The following TRDN variants were observed in gnomAD, a reference collection of about 807,000 sequenced individuals.
TRDN encodes triadin.
A neutral mutation model predicts 149.7 loss-of-function variants in TRDN; 161 were observed. The ratio of observed to expected loss-of-function variants is 1.08; its 90% CI spans 0.95 to 1.23. TRDN has a LOEUF of 1.23. Ranked by LOEUF, TRDN falls within the 50% of genes most tolerant of loss-of-function variation. The pLI, the probability that TRDN is intolerant of heterozygous loss-of-function variation, is 0.00. For missense variants in TRDN, 896 were observed against 823.5 expected (o/e 1.09, Z -1.08); for synonymous variants, 294 against 250.5 (o/e 1.17, Z -1.64).
intron 9 of TRDN, among the ~76,000 whole-genome samples, chr6:123,492,488 C>T (rs1405554302): frequency 6.6e-6 from 1 of 152,002 alleles, no homozygotes; most frequent in Admixed American, 6.6e-5. Flanking sequence ...GGTGACTCTG[C>T]CCAGAAACCC....
At chr6:123,446,309 C>T (rs1207298426) in intron 10 of TRDN, among the ~76,000 whole-genome samples, 17 of 151,826 alleles carry the variant, frequency 1.1e-4, no homozygotes, top group East Asian at 1.9e-4. Context: ...GTGGGTGCAG[C>T]GCACCAGCGT....
intron 14 of TRDN, among the ~76,000 whole-genome samples, chr6:123,383,729 GA>G (rs1781805121): frequency 6.6e-6 from 1 of 152,090 alleles, no homozygotes; most frequent in African/African-American, 2.4e-5. Flanking sequence ...TGTGTATGAA[GA>G]AAGATTAGAA....
intron 1 of TRDN, among the ~76,000 whole-genome samples, chr6:123,591,152 G>C (rs1026504087): frequency 6.6e-6 from 1 of 151,978 alleles, no homozygotes; most frequent in African/African-American, 2.4e-5. Context: ...CTCTCATATA[G>C]TAAAATATTT....
intron 12 of TRDN, among the ~76,000 whole-genome samples, chr6:123,399,437 T>A (rs894455866): frequency 6.6e-6 from 1 of 152,232 alleles, no homozygotes; most frequent in Non-Finnish European, 1.5e-5. Flanking sequence ...AGGAAAGTTA[T>A]GTGCAAGATA....
intron 9 of TRDN, among the ~76,000 whole-genome samples, chr6:123,483,903 G>T (rs1220294117): frequency 6.6e-6 from 1 of 152,250 alleles, no homozygotes; most frequent in African/African-American, 2.4e-5. Context: ...AATTATTAGT[G>T]CTATGCAAGA....
chr6:123,544,032 A>G (rs1222241766), intron 4 of TRDN, among the ~76,000 whole-genome samples: 1 of 152,106 alleles, frequency 6.6e-6, no homozygotes, highest in Non-Finnish European at 1.5e-5. Context: ...CTAAGAATCT[A>G]AAGGTTAATA....
intron 35 of TRDN, 24 bp from the exon 36 acceptor site, chr6:123,255,926 G>T: frequency 8.1e-7 from 1 of 1,231,174 alleles, no homozygotes; most frequent in Non-Finnish European, 1.0e-6. Context: ...ACAGTAACAG[G>T]GTAATTTATT....
rs373318581 is a variant in TRDN at position 123,410,342 on chromosome 6, T to C, written c.1052-16665A>G. 5.3e-5 allele frequency among the ~76,000 whole-genome samples: 8 copies of C among 152,120 alleles called. No individual in the cohort carries two copies. The East Asian group carries it at 1.2e-3, about 22-fold the overall frequency. ...TAAAGTAAAACAGAACACCATGCAT[T>C]TTCTCCCCTTTTGCAAGCACCTAGC... On this transcript the variant is annotated intron_variant, in intron 12 of 40. Coordinates refer to ENST00000334268, the MANE Select transcript of TRDN (RefSeq NM_006073.4).
intron 1 of TRDN, among the ~76,000 whole-genome samples, chr6:123,582,495 G>A (rs532519260): frequency 1.4e-5 from 2 of 147,744 alleles, no homozygotes; most frequent in South Asian, 4.5e-4. Context: ...AAAGGAAAAA[G>A]GGGGGTTGTT....
At chr6:123,422,732 G>C (rs1773961346) in intron 12 of TRDN, among the ~76,000 whole-genome samples, 1 of 151,994 alleles carries the variant, frequency 6.6e-6, no homozygotes, top group Admixed American at 6.6e-5. Flanking sequence ...AAATAAAATG[G>C]GGCAAGTTTA....
intron 1 of TRDN, among the ~76,000 whole-genome samples, chr6:123,636,480 G>A (rs1351545647): frequency 2.6e-5 from 4 of 151,942 alleles, no homozygotes; most frequent in Non-Finnish European, 4.4e-5. Flanking sequence ...ATTTATAGAG[G>A]TGTGAGTAAC....
chr6:123,346,291 G>GT (rs1198113085), intron 21 of TRDN, among the ~76,000 whole-genome samples: 3 of 151,780 alleles, frequency 2.0e-5, no homozygotes, highest in Non-Finnish European at 4.4e-5. Context: ...AGGGTCATGT[G>GT]TTTTTTTCTT....
At chr6:123,620,366 C>A (rs1296389062) in intron 1 of TRDN, among the ~76,000 whole-genome samples, 1 of 152,106 alleles carries the variant, frequency 6.6e-6, no homozygotes, top group Non-Finnish European at 1.5e-5. Flanking sequence ...GTTGACACTG[C>A]TGGTCTGGGG....
chr6:123,621,780 A>C (rs1199435034), intron 1 of TRDN, among the ~76,000 whole-genome samples: 53 of 152,278 alleles, frequency 3.5e-4, no homozygotes, highest in African/African-American at 1.2e-3. Flanking sequence ...AACCATTACC[A>C]AAAAAGCTGG....
intron 5 of TRDN, among the ~76,000 whole-genome samples, chr6:123,522,516 T>C (rs1447604368): frequency 3.3e-5 from 3 of 90,862 alleles, no homozygotes; most frequent in Non-Finnish European, 7.1e-5. Flanking sequence ...GTGCGGTTCC[T>C]CTTTTTTTTT....
chr6:123,512,534 T>C lies in TRDN; in HGVS notation c.551-172A>G, dbSNP rs373415536. Among the ~76,000 whole-genome samples the C allele has an allele frequency of 3.2e-4, 48 of 152,268 alleles. 1 individual carries two copies. Among genetic ancestry groups the C allele is most frequent in the African/African-American group, 1.1e-3 (46 of 41,562 alleles). On this transcript the variant is annotated intron_variant, in intron 6 of 40. Coordinates refer to ENST00000334268, the MANE Select transcript of TRDN (RefSeq NM_006073.4). ...AGTTACCAGTGTAATAACAGTTGTA[T>C]TGAATTCAATGTTAAAGTCTAGGCA... is the stretch of plus-strand genomic sequence containing the variant.
chr6:123,579,906 G>T (rs554258437), intron 1 of TRDN, among the ~76,000 whole-genome samples: 1 of 152,156 alleles, frequency 6.6e-6, no homozygotes, highest in East Asian at 1.9e-4. Flanking sequence ...ACCCTGAAAA[G>T]AAGGTGCCTT....
rs75889497 is a variant in TRDN at position 123,242,340 on chromosome 6, T to A, written c.1975+10072A>T. Among the ~76,000 whole-genome samples the A allele has an allele frequency of 3.1e-3, 466 of 152,248 alleles. 18 individuals are homozygous for A. The East Asian group carries it at 0.076, about 25-fold the overall frequency. ...TATTTAAATTTTAAGAATGTGGGAT[T>A]TTTTTGCTTTTAATTTTTAAAATAA... On this transcript the variant is annotated intron_variant, in intron 38 of 40. Transcript: ENST00000334268.
intron 1 of TRDN, among the ~76,000 whole-genome samples, chr6:123,632,161 G>A (rs1397508112): frequency 6.6e-6 from 1 of 151,922 alleles, no homozygotes; most frequent in Non-Finnish European, 1.5e-5. Context: ...TTGTTCCCAG[G>A]AACTTATTTG....
Sources: allele counts gnomAD v4.1 joint callset (sites outside exome capture counted in the v4.1 genomes callset), GRCh38; gene constraint gnomAD v4.1.1; transcripts MANE v1.5; gene names NCBI Gene and HGNC (gene_info 2026-07-23, HGNC 2026-07-21).